KCNC2: variants seen among roughly 807,000 people sequenced by gnomAD.
The protein encoded by KCNC2 is voltage-gated potassium channel KCNC2.
KCNC2 carries 21 observed loss-of-function variants against 44.5 expected under a neutral mutation model. The observed-to-expected ratio is 0.47, with a 90% CI of 0.33 to 0.68. The LOEUF is 0.68. KCNC2 is among the 30% of genes least tolerant of loss of function. The probability of loss-of-function intolerance (pLI) is 0.01; values close to 1 mark genes in which losing one functional copy is unlikely to be tolerated. For synonymous variants in KCNC2, 391 were observed against 339.1 expected (o/e 1.15, Z -1.68); for missense variants, 589 against 826.2 (o/e 0.71, Z 3.52).
intron 2 of KCNC2, among the ~76,000 whole-genome samples, chr12:75,089,361 G>A (rs1330728661): frequency 6.6e-6 from 1 of 151,676 alleles, no homozygotes; most frequent in Admixed American, 6.6e-5. Flanking sequence ...TAATACTCCT[G>A]AATTAATATC....
At chr12:75,070,813 C>G (rs1044576185) in intron 2 of KCNC2, among the ~76,000 whole-genome samples, 1 of 151,824 alleles carries the variant, frequency 6.6e-6, no homozygotes, top group Non-Finnish European at 1.5e-5. Flanking sequence ...ATAAAGAGTA[C>G]AAATATTTCG....
At chr12:75,169,974 C>A (rs1263787471) in intron 2 of KCNC2, among the ~76,000 whole-genome samples, 2 of 151,534 alleles carry the variant, frequency 1.3e-5, no homozygotes, top group Non-Finnish European at 3.0e-5. Context: ...ATAACATTAG[C>A]AATAAAATTT....
chr12:75,077,753 C>G (rs1404154064), intron 2 of KCNC2, among the ~76,000 whole-genome samples: 1 of 152,044 alleles, frequency 6.6e-6, no homozygotes, highest in South Asian at 2.1e-4. Context: ...GTTACGATAG[C>G]GTAAAACCTC....
chr12:75,205,859 G>C (rs1323440651), intron 2 of KCNC2, among the ~76,000 whole-genome samples: 7 of 116,452 alleles, frequency 6.0e-5, no homozygotes, highest in Non-Finnish European at 1.0e-4. Flanking sequence ...TTTTTTTCCT[G>C]AATGCCAACT....
chr12:75,087,676 T>C (rs1885136080), intron 2 of KCNC2, among the ~76,000 whole-genome samples: 1 of 152,034 alleles, frequency 6.6e-6, no homozygotes, highest in Non-Finnish European at 1.5e-5. Flanking sequence ...TGCTAGTTAA[T>C]TTACAGATTC....
At chr12:75,144,798 G>A (rs1012672745) in intron 2 of KCNC2, among the ~76,000 whole-genome samples, 1 of 152,004 alleles carries the variant, frequency 6.6e-6, no homozygotes, top group African/African-American at 2.4e-5. Context: ...TGTTCAAATT[G>A]TGAATTGTCT....
chr12:75,118,338 T>C (rs768841198), intron 2 of KCNC2, among the ~76,000 whole-genome samples: 5 of 152,002 alleles, frequency 3.3e-5, no homozygotes, highest in African/African-American at 4.8e-5. Context: ...GAGAAACAGA[T>C]AATAGCAGGT....
intron 2 of KCNC2, among the ~76,000 whole-genome samples, chr12:75,199,831 AT>A (rs916280711): frequency 4.6e-5 from 7 of 151,878 alleles, no homozygotes; most frequent in African/African-American, 1.7e-4. Context: ...TAAAAGACTT[AT>A]ACACAAAAGG....
chr12:75,072,984 A>G (rs914412465), intron 2 of KCNC2, among the ~76,000 whole-genome samples: 19 of 152,026 alleles, frequency 1.2e-4, no homozygotes, highest in Non-Finnish European at 2.6e-4. Flanking sequence ...CTTATTATGG[A>G]AATGTCTATT....
intron 2 of KCNC2, among the ~76,000 whole-genome samples, chr12:75,160,966 G>T (rs1178820767): frequency 6.6e-6 from 1 of 151,718 alleles, no homozygotes; most frequent in African/African-American, 2.4e-5. Flanking sequence ...TGTTTTGTGT[G>T]TATACTTAAA....
chr12:75,100,695 C>T (rs1016747647), intron 2 of KCNC2, among the ~76,000 whole-genome samples: 22 of 151,900 alleles, frequency 1.4e-4, no homozygotes, highest in African/African-American at 5.1e-4. Flanking sequence ...TGAGAACTTA[C>T]TAGTTAATAG....
At chr12:75,172,370 G>C (rs1242371484) in intron 2 of KCNC2, among the ~76,000 whole-genome samples, 3 of 151,696 alleles carry the variant, frequency 2.0e-5, no homozygotes, top group African/African-American at 7.3e-5. Flanking sequence ...CTAACTAATG[G>C]ATGCTGGCCT....
At chr12:75,206,742 A>C (rs1458471454) in intron 2 of KCNC2, among the ~76,000 whole-genome samples, 1 of 152,166 alleles carries the variant, frequency 6.6e-6, no homozygotes. Flanking sequence ...GATTCTCTTC[A>C]CAACATAAAC....
intron 2 of KCNC2, among the ~76,000 whole-genome samples, chr12:75,110,945 C>T (rs905920544): frequency 3.9e-5 from 6 of 152,076 alleles, no homozygotes; most frequent in African/African-American, 1.2e-4. Flanking sequence ...CTTAAAAATA[C>T]GCTTTGTTAT....
At position 75,042,066 on chromosome 12, in the gene KCNC2, C is replaced by A; in HGVS notation, c.*1039G>T. 1 of 1,181,048 alleles carries A rather than the reference C, an allele frequency of 8.5e-7. No homozygotes were observed. Among genetic ancestry groups the A allele is most frequent in the Non-Finnish European group, 1.0e-6 (1 of 956,744 alleles). 73.2% of individuals were successfully genotyped at this position (1,181,048 alleles called of 1,614,324 possible). A position where few individuals can be genotyped will look rare whatever the true frequency, so the allele number is the denominator to read the frequency against. ...AGGAATTTAAGGCTAGTCAAAAAAG[C>A]CTTCTGTGAACACCAGTGACATTTG... On this transcript the variant is annotated 3_prime_UTR_variant, in exon 5 of 5. Coordinates refer to ENST00000549446, the MANE Select transcript of KCNC2 (RefSeq NM_139137.4).
At position 75,075,278 on chromosome 12, in the gene KCNC2, C is replaced by T. The variant is rs141111991; in HGVS notation, c.688-23961G>A. ...TCCATTTATCATAACTCAGATCCCA[C>T]CAGGCCAATGTTGATGGTTACATTT... On this transcript the variant is annotated intron_variant, in intron 2 of 4. Transcript: ENST00000549446. 1.5e-3 allele frequency among the ~76,000 whole-genome samples: 235 copies of T among 151,868 alleles called. 1 individual carries two copies. Among genetic ancestry groups the T allele is most frequent in the African/African-American group, 5.3e-3 (218 of 41,466 alleles).
intron 2 of KCNC2, among the ~76,000 whole-genome samples, chr12:75,183,684 A>C (rs540203173): frequency 1.5e-4 from 23 of 152,342 alleles, no homozygotes; most frequent in Middle Eastern, 3.4e-3. Flanking sequence ...TCTTCTTGCA[A>C]TAAAAAGGAC....
At chr12:75,071,476 A>G (rs2137035810) in intron 2 of KCNC2, among the ~76,000 whole-genome samples, 1 of 152,322 alleles carries the variant, frequency 6.6e-6, no homozygotes. Flanking sequence ...GCTTATACTT[A>G]TTGATAATTA....
At chr12:75,044,375 A>G (rs539190670) in intron 4 of KCNC2, 2 of 151,956 alleles carry the variant, frequency 1.3e-5, no homozygotes, top group African/African-American at 4.8e-5. Flanking sequence ...CCTCCCTTAC[A>G]CTATATGACT....
Sources: allele counts gnomAD v4.1 joint callset (sites outside exome capture counted in the v4.1 genomes callset), GRCh38; gene constraint gnomAD v4.1.1; transcripts MANE v1.5; gene names NCBI Gene and HGNC (gene_info 2026-07-23, HGNC 2026-07-21).